The following ERC2 variants were observed in gnomAD, a reference collection of about 807,000 sequenced individuals.
ERC2 encodes the protein ELKS/RAB6-interacting/CAST family member 2, also known as ERC protein 2.
ERC2 carries 42 observed loss-of-function variants against 114.8 expected under a neutral mutation model. The ratio of observed to expected loss-of-function variants is 0.37; its 90% CI spans 0.29 to 0.47. The LOEUF is 0.47. Among genes scored for constraint, ERC2 ranks in the 20% least tolerant of loss-of-function variants. ERC2 has a pLI of 0.99. For synonymous variants in ERC2, 454 were observed against 425.5 expected (o/e 1.07, Z -0.82); for missense variants, 939 against 1,150.7 (o/e 0.82, Z 2.66).
intron 14 of ERC2, among the ~76,000 whole-genome samples, chr3:55,845,503 CAAAAAA>C (rs764740068): frequency 3.1e-5 from 2 of 64,048 alleles, no homozygotes; most frequent in Admixed American, 3.8e-4. Flanking sequence ...GACTCCGTCT[CAAAAAA>C]AAAAAAAAAA....
intron 13 of ERC2, among the ~76,000 whole-genome samples, chr3:55,948,226 A>G (rs768710053): frequency 3.3e-5 from 5 of 152,192 alleles, no homozygotes; most frequent in African/African-American, 4.8e-5. Flanking sequence ...ATTTTTCTGG[A>G]TATAATACCT....
In ERC2 at chr3:55,973,060, G is replaced by A. The variant is rs1198120012; in HGVS notation, c.2267+12917C>T. 2.6e-5 allele frequency among the ~76,000 whole-genome samples: 4 copies of A among 152,192 alleles called. No individual in the cohort carries two copies. In the East Asian group the frequency reaches 5.8e-4, roughly 22 times the overall value. ...GATTGTGAAGAGCTTATAAAGCCAG[G>A]AGGTGGAGTTGGATATTCTGCCCAT... On this transcript the variant is annotated intron_variant, in intron 12 of 17. Coordinates refer to ENST00000288221, the MANE Select transcript of ERC2 (RefSeq NM_015576.3).
chr3:55,948,866 C>A (rs1458438599), intron 13 of ERC2, among the ~76,000 whole-genome samples: 1 of 152,272 alleles, frequency 6.6e-6, no homozygotes, highest in South Asian at 2.1e-4. Context: ...TTTAATGTTT[C>A]ATTTGCCTTT....
chr3:55,912,369 C>G (rs996770401), intron 13 of ERC2, among the ~76,000 whole-genome samples: 1 of 152,116 alleles, frequency 6.6e-6, no homozygotes, highest in Non-Finnish European at 1.5e-5. Flanking sequence ...AACATAGTAG[C>G]ATTCATTTGA....
At chr3:55,549,473 T>C (rs1186027161) in intron 17 of ERC2, among the ~76,000 whole-genome samples, 1 of 131,894 alleles carries the variant, frequency 7.6e-6, no homozygotes. Context: ...AAATGCCGCC[T>C]TACCTTTTTT....
At chr3:55,817,390 C>T (rs2059942598) in intron 14 of ERC2, among the ~76,000 whole-genome samples, 1 of 152,234 alleles carries the variant, frequency 6.6e-6, no homozygotes, top group African/African-American at 2.4e-5. Context: ...TGCTGCCTCT[C>T]AGCCTTGACT....
intron 1 of ERC2, among the ~76,000 whole-genome samples, chr3:56,450,339 TC>T (rs1236007622): frequency 6.6e-6 from 1 of 152,228 alleles, no homozygotes; most frequent in African/African-American, 2.4e-5. Context: ...CTGACTGTCT[TC>T]CATACTACAA....
In ERC2 at chr3:56,018,918, C is replaced by T. The variant is rs1374263307; in HGVS notation, c.1755G>A (p.Thr585=). The T allele has an allele frequency of 1.3e-5, 21 of 1,612,862 alleles. No individual in the cohort carries two copies. Among genetic ancestry groups the T allele is most frequent in the East Asian group, 2.2e-5 (1 of 44,836 alleles). Residue 585 remains threonine (T), a synonymous_variant, in exon 8 of 18, where the codon ACG becomes ACA. Transcript: ENST00000288221. The part of the protein sequence containing the change: ...DSSNTDTALA[T]LEEALSEKER... ...CCTTCTCTGACAGAGCTTCCTCTAGCGTCGCCAGTGCAGTATCTGTATTAC... is the reference window on the plus strand; with the variant it reads ...CCTTCTCTGACAGAGCTTCCTCTAGTGTCGCCAGTGCAGTATCTGTATTAC...
At chr3:55,631,426 A>C (rs1432415034) in intron 17 of ERC2, among the ~76,000 whole-genome samples, 1 of 152,138 alleles carries the variant, frequency 6.6e-6, no homozygotes, top group African/African-American at 2.4e-5. Flanking sequence ...CCCTTGGAGG[A>C]GGTTGTGGAC....
chr3:56,153,167 T>C (rs1018099489), intron 4 of ERC2, among the ~76,000 whole-genome samples: 3 of 152,158 alleles, frequency 2.0e-5, no homozygotes, highest in Admixed American at 2.0e-4. Flanking sequence ...CATTCATTAA[T>C]TCAACAAATA....
At position 55,954,676 on chromosome 3, in the gene ERC2, T is replaced by C. The variant is rs995325503; in HGVS notation, c.2268-4116A>G. Among the ~76,000 whole-genome samples the C allele has an allele frequency of 2.0e-5, 3 of 152,216 alleles. No individual in the cohort carries two copies. In the East Asian group the frequency reaches 5.8e-4, roughly 29 times the overall value. ...TTTTAAAGATTGGTAATATTCATTGTTGGAAAGAATGCAGGAATCTAGCTC... is the reference window on the plus strand; with the variant it reads ...TTTTAAAGATTGGTAATATTCATTGCTGGAAAGAATGCAGGAATCTAGCTC... On this transcript the variant is annotated intron_variant, in intron 12 of 17. Coordinates refer to ENST00000288221, the MANE Select transcript of ERC2 (RefSeq NM_015576.3).
chr3:55,658,794 G>A (rs1398325247), intron 17 of ERC2: 1 of 152,706 alleles, frequency 6.5e-6, no homozygotes, highest in Non-Finnish European at 1.5e-5. Context: ...AGCCACAGAT[G>A]TTTAACTAAG....
chr3:55,518,842 T>C (rs2052711125), intron 17 of ERC2, among the ~76,000 whole-genome samples: 1 of 152,242 alleles, frequency 6.6e-6, no homozygotes, highest in Non-Finnish European at 1.5e-5. Flanking sequence ...ACACAACCGA[T>C]AGAACAAAAA....
chr3:55,517,133 A>AT (rs1225159179), intron 17 of ERC2, among the ~76,000 whole-genome samples: 3 of 152,250 alleles, frequency 2.0e-5, no homozygotes, highest in Non-Finnish European at 2.9e-5. Flanking sequence ...TGTAACTAAC[A>AT]TTTTTTTAAA....
intron 3 of ERC2, among the ~76,000 whole-genome samples, chr3:56,191,759 C>T (rs1028796360): frequency 9.9e-5 from 15 of 152,204 alleles, no homozygotes; most frequent in African/African-American, 3.4e-4. Context: ...ATACACTCCC[C>T]CACCCCAGAC....
chr3:56,226,196 AT>A (rs1163358711), intron 3 of ERC2, among the ~76,000 whole-genome samples: 1 of 152,058 alleles, frequency 6.6e-6, no homozygotes, highest in Non-Finnish European at 1.5e-5. Flanking sequence ...CCTATGAGCA[AT>A]CGAGTCTCAT....
rs576029531 is a variant in ERC2, at chr3:55,694,377, A to C, written c.2847+5001T>G. On this transcript the variant is annotated intron_variant, in intron 16 of 17. Transcript: ENST00000288221. ...ACAGAGTACCTCGTAAGGGCCAGACATGTGTGAACATGGGACAAAGAATCT... is the reference window on the plus strand; with the variant it reads ...ACAGAGTACCTCGTAAGGGCCAGACCTGTGTGAACATGGGACAAAGAATCT... 2.0e-5 allele frequency among the ~76,000 whole-genome samples: 3 copies of C among 152,306 alleles called. No homozygotes were observed. The South Asian group carries it at 6.2e-4, about 32-fold the overall frequency.
At chr3:55,643,627 G>T (rs2060276180) in intron 17 of ERC2, among the ~76,000 whole-genome samples, 1 of 152,174 alleles carries the variant, frequency 6.6e-6, no homozygotes, top group East Asian at 1.9e-4. Flanking sequence ...AAGATTAAAT[G>T]AGTTAATGCA....
At chr3:55,781,641 G>T (rs2069056678) in intron 14 of ERC2, among the ~76,000 whole-genome samples, 1 of 151,958 alleles carries the variant, frequency 6.6e-6, no homozygotes, top group South Asian at 2.1e-4. Flanking sequence ...GGAGGCCGAG[G>T]GGGGTGGATC....
Sources: allele counts gnomAD v4.1 joint callset (sites outside exome capture counted in the v4.1 genomes callset), GRCh38; gene constraint gnomAD v4.1.1; transcripts MANE v1.5; gene names NCBI Gene and HGNC (gene_info 2026-07-23, HGNC 2026-07-21).